DPP10: variants seen among roughly 807,000 people sequenced by gnomAD.
DPP10 encodes inactive dipeptidyl peptidase 10.
Under a neutral mutation model 120.9 loss-of-function variants are expected in DPP10, and 33 were observed. The ratio of observed to expected loss-of-function variants is 0.27; its 90% CI spans 0.21 to 0.37. DPP10 has a LOEUF of 0.37. Ranked by LOEUF, DPP10 falls within the 10% of genes least tolerant of loss-of-function variation. The pLI, the probability that DPP10 is intolerant of heterozygous loss-of-function variation, is 1.00. For missense variants in DPP10, 816 were observed against 942.8 expected, an observed-to-expected ratio of 0.87 and a Z score of 1.76; for synonymous variants, 337 against 326.1, an observed-to-expected ratio of 1.03 and a Z score of -0.36.
chr2:115,743,570 G>A (rs1483555228), intron 9 of DPP10, among the ~76,000 whole-genome samples: 2 of 152,100 alleles, frequency 1.3e-5, no homozygotes. Flanking sequence ...CTAACTGGAA[G>A]ATTTAATGTC....
intron 1 of DPP10, among the ~76,000 whole-genome samples, chr2:115,047,280 A>G (rs1227861681): frequency 2.6e-5 from 4 of 152,086 alleles, no homozygotes; most frequent in African/African-American, 4.8e-5. Context: ...CCAATCAGTT[A>G]TCTAATTTCT....
intron 1 of DPP10, among the ~76,000 whole-genome samples, chr2:114,764,066 G>C (rs1026516608): frequency 2.0e-5 from 3 of 152,146 alleles, no homozygotes; most frequent in African/African-American, 7.2e-5. Flanking sequence ...AGGATCAAAA[G>C]CTTGCTCTCT....
chr2:114,474,424 C>A (rs1161306028), intron 1 of DPP10, among the ~76,000 whole-genome samples: 6 of 152,194 alleles, frequency 3.9e-5, no homozygotes, highest in African/African-American at 1.4e-4. Flanking sequence ...CTGGCCAAGT[C>A]AACCCTATTC....
At chr2:115,822,026 G>A (rs912311764) in intron 21 of DPP10, among the ~76,000 whole-genome samples, 1 of 151,694 alleles carries the variant, frequency 6.6e-6, no homozygotes, top group African/African-American at 2.4e-5. Context: ...CTACATTTAC[G>A]CCAACACTTA....
intron 1 of DPP10, among the ~76,000 whole-genome samples, chr2:115,106,927 T>C (rs1373065077): frequency 2.0e-5 from 3 of 151,978 alleles, no homozygotes; most frequent in Admixed American, 2.0e-4. Context: ...TACAAAAAAT[T>C]AGCCAGGCGT....
intron 19 of DPP10, among the ~76,000 whole-genome samples, chr2:115,805,307 C>T (rs1302904261): frequency 1.3e-5 from 2 of 152,072 alleles, no homozygotes; most frequent in South Asian, 2.1e-4. Context: ...GGGAGTGACC[C>T]GATTTTCCAG....
At chr2:115,397,547 A>G (rs2104452437) in intron 3 of DPP10, among the ~76,000 whole-genome samples, 1 of 152,320 alleles carries the variant, frequency 6.6e-6, no homozygotes, top group South Asian at 2.1e-4. Context: ...GAATTACAAA[A>G]CATGGGTTTG....
intron 1 of DPP10, among the ~76,000 whole-genome samples, chr2:114,751,957 A>G (rs1242878439): frequency 6.6e-6 from 1 of 152,210 alleles, no homozygotes; most frequent in East Asian, 1.9e-4. Context: ...GGCCTAAGAC[A>G]TGAATTTCTA....
chr2:114,571,629 T>A (rs1689655316), intron 1 of DPP10, among the ~76,000 whole-genome samples: 1 of 152,042 alleles, frequency 6.6e-6, no homozygotes, highest in South Asian at 2.1e-4. Context: ...GTAGGGTACG[T>A]CTCTACAGAA....
At chr2:114,961,190 G>A (rs1328324962) in intron 1 of DPP10, among the ~76,000 whole-genome samples, 2 of 151,758 alleles carry the variant, frequency 1.3e-5, no homozygotes, top group Non-Finnish European at 2.9e-5. Context: ...AGGTAGCTGG[G>A]ATTACAGGCA....
At chr2:114,565,116 G>A (rs1447677981) in intron 1 of DPP10, among the ~76,000 whole-genome samples, 4 of 152,144 alleles carry the variant, frequency 2.6e-5, no homozygotes, top group Admixed American at 2.6e-4. Flanking sequence ...TAGCAAGAAT[G>A]GCTGTGAGCC....
At chr2:114,619,020 G>A (rs1017870486) in intron 1 of DPP10, among the ~76,000 whole-genome samples, 4 of 151,884 alleles carry the variant, frequency 2.6e-5, no homozygotes, top group Non-Finnish European at 5.9e-5. Flanking sequence ...TAACAAGGAA[G>A]CAATGGACCA....
intron 5 of DPP10, among the ~76,000 whole-genome samples, chr2:115,654,057 A>G (rs892606398): frequency 9.9e-5 from 15 of 151,828 alleles, no homozygotes; most frequent in African/African-American, 3.4e-4. Context: ...CGTTCTTTTT[A>G]TATTGTATCT....
intron 3 of DPP10, among the ~76,000 whole-genome samples, chr2:115,385,142 G>T (rs2066824057): frequency 6.6e-6 from 1 of 152,048 alleles, no homozygotes; most frequent in African/African-American, 2.4e-5. Flanking sequence ...GTCTTTATCA[G>T]CAACATGAAA....
intron 1 of DPP10, among the ~76,000 whole-genome samples, chr2:114,455,090 A>G (rs997657319): frequency 5.7e-4 from 87 of 151,970 alleles, no homozygotes; most frequent in African/African-American, 2.0e-3. Flanking sequence ...TTATTCCAGA[A>G]GACGATATCA....
At position 114,984,068 on chromosome 2, in the gene DPP10, AT is replaced by A. The variant is rs531599185; in HGVS notation, c.61-325167del. ...ACAAAGACAGACCTAAGATTTTATC[AT>A]TTTAATTCACTACCACTAAACAATT... On this transcript the variant is annotated intron_variant, in intron 1 of 25. Transcript: ENST00000410059. Among the ~76,000 whole-genome samples the A allele has an allele frequency of 1.1e-4, 17 of 152,304 alleles. No individual in the cohort carries two copies. In the South Asian group the frequency reaches 3.5e-3, roughly 32 times the overall value.
intron 2 of DPP10, among the ~76,000 whole-genome samples, chr2:115,326,399 A>G (rs938374609): frequency 2.6e-5 from 4 of 152,102 alleles, no homozygotes; most frequent in African/African-American, 4.8e-5. Flanking sequence ...AGAATTACAT[A>G]TGGTACATAA....
At chr2:115,396,774 G>A (rs2067708612) in intron 3 of DPP10, among the ~76,000 whole-genome samples, 1 of 152,106 alleles carries the variant, frequency 6.6e-6, no homozygotes, top group African/African-American at 2.4e-5. Flanking sequence ...AGAGGTCAGA[G>A]CCGTATCAGT....
chr2:114,573,063 A>G (rs1243423863), intron 1 of DPP10, among the ~76,000 whole-genome samples: 1 of 152,222 alleles, frequency 6.6e-6, no homozygotes, highest in African/African-American at 2.4e-5. Flanking sequence ...AGCCCATCGC[A>G]GACTTCACCT....
Sources: allele counts gnomAD v4.1 joint callset (sites outside exome capture counted in the v4.1 genomes callset), GRCh38; gene constraint gnomAD v4.1.1; transcripts MANE v1.5; gene names NCBI Gene and HGNC (gene_info 2026-07-23, HGNC 2026-07-21).